CHST8: variants seen among roughly 807,000 people sequenced by gnomAD.
The protein encoded by CHST8 is carbohydrate sulfotransferase 8.
A neutral mutation model predicts 15.0 loss-of-function variants in CHST8; 10 were observed. The ratio of observed to expected loss-of-function variants is 0.67; its 90% CI spans 0.41 to 1.13. The LOEUF (loss-of-function observed/expected upper bound fraction) is 1.13. Ranked by LOEUF, CHST8 falls within the 50% of genes most tolerant of loss-of-function variation. The pLI, the probability that CHST8 is intolerant of heterozygous loss-of-function variation, is 0.00. For missense variants in CHST8, 634 were observed against 608.2 expected, an observed-to-expected ratio of 1.04 and a Z score of -0.45; for synonymous variants, 259 against 256.6, an observed-to-expected ratio of 1.01 and a Z score of -0.09.
In CHST8 at chr19:33,647,302, C is replaced by T. The variant is rs148494133; in HGVS notation, c.-163-20465C>T. Among the ~76,000 whole-genome samples the T allele has an allele frequency of 2.0e-4, 30 of 152,304 alleles. No homozygotes were observed. In the East Asian group the frequency reaches 4.8e-3, roughly 24 times the overall value. On this transcript the variant is annotated intron_variant, in intron 1 of 4. Transcript: ENST00000650847. Reference sequence around the variant, plus strand: ...ACAGGAAGAAAGCAGGAGACTATCACGTCCTGGGAGCCAAGTGAGGAAAGT... The same window carrying T: ...ACAGGAAGAAAGCAGGAGACTATCATGTCCTGGGAGCCAAGTGAGGAAAGT...
chr19:33,629,204 C>T (rs1270937075), intron 1 of CHST8, among the ~76,000 whole-genome samples: 6 of 152,186 alleles, frequency 3.9e-5, no homozygotes, highest in South Asian at 2.1e-4. Flanking sequence ...CACTGTGGCT[C>T]GGATGCCCAC....
At chr19:33,662,917 G>C (rs1222419222) in intron 1 of CHST8, among the ~76,000 whole-genome samples, 1 of 152,212 alleles carries the variant, frequency 6.6e-6, no homozygotes, top group Non-Finnish European at 1.5e-5. Context: ...TTCTGAGACA[G>C]TCATTTATAT....
intron 3 of CHST8, among the ~76,000 whole-genome samples, chr19:33,762,360 T>C (rs1292715253): frequency 6.6e-6 from 1 of 152,226 alleles, no homozygotes; most frequent in Non-Finnish European, 1.5e-5. Flanking sequence ...GCTGACCGGC[T>C]GACTGACAGG....
At chr19:33,622,575 G>A (rs1161396449) in intron 1 of CHST8, among the ~76,000 whole-genome samples, 2 of 152,238 alleles carry the variant, frequency 1.3e-5, no homozygotes, top group South Asian at 4.1e-4. Context: ...GCCGTCCCTC[G>A]GGCCCTCTTG....
chr19:33,672,843 A>G (rs1002958070), intron 2 of CHST8, among the ~76,000 whole-genome samples: 2 of 152,036 alleles, frequency 1.3e-5, no homozygotes, highest in African/African-American at 2.4e-5. Context: ...GAGAAATGAC[A>G]TTTTCTGAGC....
chr19:33,719,638 G>A (rs1312105859), intron 3 of CHST8, among the ~76,000 whole-genome samples: 1 of 151,930 alleles, frequency 6.6e-6, no homozygotes, highest in African/African-American at 2.4e-5. Flanking sequence ...CTGACCAGAG[G>A]GAATGGAAGG....
intron 3 of CHST8, among the ~76,000 whole-genome samples, chr19:33,696,206 A>G (rs1041578086): frequency 1.3e-5 from 2 of 152,198 alleles, no homozygotes; most frequent in South Asian, 2.1e-4. Flanking sequence ...TTGTGCTGCA[A>G]TAAGTATGCA....
chr19:33,666,885 T>G (rs1474743244), intron 1 of CHST8, among the ~76,000 whole-genome samples: 1 of 152,084 alleles, frequency 6.6e-6, no homozygotes, highest in Non-Finnish European at 1.5e-5. Context: ...GTATTTTTAG[T>G]AGAGACCAGT....
intron 3 of CHST8, among the ~76,000 whole-genome samples, chr19:33,695,821 C>CTTTTTTTTTTTTTTTTTTTTTTTTTTTT (rs55695414): frequency 5.2e-5 from 4 of 76,240 alleles, no homozygotes; most frequent in South Asian, 4.8e-4. Flanking sequence ...TTCTTTCTTT[C>CTTTTTTTTTTTTTTTTTTTTTTTTTTTT]TTTTTTTTTT....
intron 3 of CHST8, among the ~76,000 whole-genome samples, chr19:33,727,040 T>C (rs2145319307): frequency 6.6e-6 from 1 of 151,854 alleles, no homozygotes; most frequent in South Asian, 2.1e-4. Context: ...TCCTGAGCCC[T>C]CTCCTCCCCT....
intron 3 of CHST8, among the ~76,000 whole-genome samples, chr19:33,710,872 G>GGTTTTTTTTTTTTT (rs397802097): frequency 7.2e-6 from 1 of 138,624 alleles, no homozygotes; most frequent in African/African-American, 2.7e-5. Context: ...AATTTCTGGA[G>GGTTTTTTTTTTTTT]TTTTTTTTTT....
chr19:33,627,884 G>A (rs1456944820), intron 1 of CHST8, among the ~76,000 whole-genome samples: 2 of 152,176 alleles, frequency 1.3e-5, no homozygotes, highest in Admixed American at 6.5e-5. Flanking sequence ...GTTAGATGGA[G>A]ACCCTCCTCA....
At chr19:33,725,433 TGGTCCCTGCAGTGGCCCAG>T (rs530411770) in intron 3 of CHST8, among the ~76,000 whole-genome samples, 1 of 152,276 alleles carries the variant, frequency 6.6e-6, no homozygotes, top group East Asian at 1.9e-4. Context: ...CACAATCTCC[TGGTCCCTGCAGTGGCCCAG>T]GGTCCCTGCT....
At chr19:33,695,821 C>CTTTCTTTTTT (rs57718433) in intron 3 of CHST8, among the ~76,000 whole-genome samples, 16 of 76,236 alleles carry the variant, frequency 2.1e-4, no homozygotes, top group African/African-American at 8.1e-4. Flanking sequence ...TTCTTTCTTT[C>CTTTCTTTTTT]TTTTTTTTTT....
intron 1 of CHST8, among the ~76,000 whole-genome samples, chr19:33,636,623 G>A (rs1299742791): frequency 6.6e-6 from 1 of 152,180 alleles, no homozygotes; most frequent in East Asian, 1.9e-4. Context: ...AAAGTAGTCC[G>A]GGCGCAGTGG....
chr19:33,755,973 C>T (rs146241182), intron 3 of CHST8, among the ~76,000 whole-genome samples: 3,337 of 152,232 alleles, frequency 0.022, 57 homozygotes, highest in East Asian at 0.027. Flanking sequence ...TCAGGGACCT[C>T]GGGCACTGTC....
intron 1 of CHST8, among the ~76,000 whole-genome samples, chr19:33,657,648 C>A (rs1972529215): frequency 6.6e-6 from 1 of 151,960 alleles, no homozygotes; most frequent in South Asian, 2.1e-4. Flanking sequence ...TAGCTCACTG[C>A]ATCCTCATCC....
At chr19:33,718,368 G>A (rs1973705389) in intron 3 of CHST8, among the ~76,000 whole-genome samples, 1 of 152,054 alleles carries the variant, frequency 6.6e-6, no homozygotes, top group South Asian at 2.1e-4. Flanking sequence ...ACAGGCGTGA[G>A]CCTCTGTGCC....
At chr19:33,739,891 C>T (rs1422469411) in intron 3 of CHST8, among the ~76,000 whole-genome samples, 2 of 152,126 alleles carry the variant, frequency 1.3e-5, no homozygotes, top group Non-Finnish European at 2.9e-5. Context: ...ACCAGACCAG[C>T]CCCCATCCTG....
Sources: allele counts gnomAD v4.1 joint callset (sites outside exome capture counted in the v4.1 genomes callset), GRCh38; gene constraint gnomAD v4.1.1; transcripts MANE v1.5; gene names NCBI Gene and HGNC (gene_info 2026-07-23, HGNC 2026-07-21).